LMX1B: variants seen among roughly 807,000 people sequenced by gnomAD.
LMX1B encodes LIM homeobox transcription factor 1-beta.
In LMX1B, 12 loss-of-function variants were observed where a neutral mutation model predicts 51.4. The observed-to-expected ratio is 0.23, with a 90% CI of 0.15 to 0.38. LMX1B has a LOEUF of 0.38. Among genes scored for constraint, LMX1B ranks in the 10% least tolerant of loss-of-function variants. LMX1B has a pLI of 1.00. For synonymous variants in LMX1B, 237 were observed against 235.4 expected, an observed-to-expected ratio of 1.01 and a Z score of -0.06; for missense variants, 445 against 571.1, an observed-to-expected ratio of 0.78 and a Z score of 2.25.
At chr9:126,655,282 G>T (rs1214289190) in intron 2 of LMX1B, among the ~76,000 whole-genome samples, 2 of 152,216 alleles carry the variant, frequency 1.3e-5, no homozygotes, top group Non-Finnish European at 2.9e-5. Flanking sequence ...CGATGTGGTG[G>T]CCCCCTTCGA....
Position 126,660,246 on chromosome 9 carries a change from TGGGG to T in LMX1B, c.327-30588_327-30585del, listed in dbSNP as rs1588286704. Among the ~76,000 whole-genome samples, 3 of 145,956 alleles carry T rather than the reference TGGGG, an allele frequency of 2.1e-5. No individual in the cohort carries two copies. In the East Asian group the frequency reaches 6.0e-4, roughly 29 times the overall value. On this transcript the variant is annotated intron_variant, in intron 2 of 7. Coordinates refer to ENST00000373474, the MANE Select transcript of LMX1B (RefSeq NM_001174147.2). ...CACTGGCCTTAGAGATTGTTCTGTG[TGGGG>T]GTGTCTACCCTAGCCTTAGAGATTG...
At chr9:126,633,054 G>GGTGGT (rs1347593022) in intron 2 of LMX1B, among the ~76,000 whole-genome samples, 3 of 152,162 alleles carry the variant, frequency 2.0e-5, no homozygotes, top group Non-Finnish European at 4.4e-5. Context: ...TTGCCCAGGA[G>GGTGGT]GCGTCCCCTG....
chr9:126,650,159 T>C (rs1835972599), intron 2 of LMX1B, among the ~76,000 whole-genome samples: 1 of 152,180 alleles, frequency 6.6e-6, no homozygotes, highest in Admixed American at 6.5e-5. Flanking sequence ...TGCTGGGGAC[T>C]CCTGAGCCCA....
intron 2 of LMX1B, among the ~76,000 whole-genome samples, chr9:126,642,003 C>G (rs78926278): frequency 6.6e-6 from 1 of 152,132 alleles, no homozygotes; most frequent in Non-Finnish European, 1.5e-5. Context: ...AGCTAAGATT[C>G]ACAGCTTCCC....
intron 2 of LMX1B, among the ~76,000 whole-genome samples, chr9:126,681,571 G>A (rs903207360): frequency 2.9e-5 from 4 of 140,026 alleles, no homozygotes; most frequent in African/African-American, 9.9e-5. Flanking sequence ...CTCTAACCCG[G>A]TGCCCCCCCT....
intron 2 of LMX1B, among the ~76,000 whole-genome samples, chr9:126,632,120 CA>C (rs1392940868): frequency 6.6e-6 from 1 of 152,182 alleles, no homozygotes. Flanking sequence ...CTCTCGCAAG[CA>C]AAATGCACGT....
intron 2 of LMX1B, among the ~76,000 whole-genome samples, chr9:126,654,338 C>T (rs750073842): frequency 7.9e-5 from 12 of 152,226 alleles, no homozygotes; most frequent in Non-Finnish European, 1.8e-4. Flanking sequence ...CCTGATTTCA[C>T]GTATTGTCAT....
rs1256281840 is a variant in LMX1B, at chr9:126,697,265, G to A, written c.*814G>A. The A allele has an allele frequency of 6.6e-6, 1 of 152,288 alleles. No homozygotes were observed. The highest frequency in any genetic ancestry group is 2.4e-5 in the African/African-American group (1 of 41,370). 9.4% of individuals were successfully genotyped at this position (152,288 alleles called of 1,614,324 possible). A position where few individuals can be genotyped will look rare whatever the true frequency, so the allele number is the denominator to read the frequency against. The stretch of plus-strand genomic sequence containing the variant: ...AAGCATCGGACCCAGTTGTATCCCA[G>A]CCTGGGCCCAAATGGGGGCAGCCTG... On this transcript the variant is annotated 3_prime_UTR_variant, in exon 8 of 8. Transcript: ENST00000373474.
rs55720446 is a variant in LMX1B at position 126,634,602 on chromosome 9, AC to A, written c.326+19041del. The stretch of plus-strand genomic sequence containing the variant: ...TAGCCTCTGGTGCCAGGTTCTGCAC[AC>A]CCCCCCCACAATGCCACATCCATGA... On this transcript the variant is annotated intron_variant, in intron 2 of 7. Transcript: ENST00000373474. Among the ~76,000 whole-genome samples, 718 of 150,212 alleles carry A rather than the reference AC, an allele frequency of 4.8e-3. 6 individuals carry two copies. Among genetic ancestry groups the A allele is most frequent in the African/African-American group, 0.016 (649 of 40,838 alleles).
rs761617525 is a variant in LMX1B, at chr9:126,618,373, GATTA to G, written c.326+2808_326+2811del. On this transcript the variant is annotated intron_variant, in intron 2 of 7. Coordinates refer to ENST00000373474, the MANE Select transcript of LMX1B (RefSeq NM_001174147.2). This position sits in a 1 kb window ranked among gnomAD's most constrained non-coding sequence, Gnocchi z 4.5. Reference sequence around the variant, plus strand: ...AAGTTGTCTTACGCACCACGGGGGTGATTAATTGACACTGGGGCACATTGAGCCG... The same window carrying G: ...AAGTTGTCTTACGCACCACGGGGGTGATTGACACTGGGGCACATTGAGCCG... 6.6e-6 allele frequency among the ~76,000 whole-genome samples: 1 copy of G among 152,222 alleles called. No homozygotes were observed. The highest frequency in any genetic ancestry group is 1.5e-5 in the Non-Finnish European group (1 of 68,040).
intron 2 of LMX1B, among the ~76,000 whole-genome samples, chr9:126,622,520 G>A (rs1022907398): frequency 6.6e-6 from 1 of 152,238 alleles, no homozygotes; most frequent in Non-Finnish European, 1.5e-5. Flanking sequence ...CGCCTCCCCA[G>A]GAACTTCAGC....
intron 2 of LMX1B, among the ~76,000 whole-genome samples, chr9:126,631,947 C>T (rs1403568697): frequency 2.0e-5 from 3 of 152,108 alleles, no homozygotes; most frequent in Admixed American, 6.5e-5. Context: ...AGGGGGCCAC[C>T]TTTGACCATA....
chr9:126,653,883 C>T (rs1836065266), intron 2 of LMX1B, among the ~76,000 whole-genome samples: 1 of 152,166 alleles, frequency 6.6e-6, no homozygotes, highest in Non-Finnish European at 1.5e-5. Flanking sequence ...TTACTCCCCA[C>T]CCCCTGCATC....
intron 2 of LMX1B, among the ~76,000 whole-genome samples, chr9:126,648,315 C>T (rs10987384): frequency 0.37 from 55,576 of 152,054 alleles, 11,542 homozygotes; most frequent in East Asian, 0.95. Flanking sequence ...TTCGAGGCTC[C>T]CTAGCCTCCC....
rs1408679682 is a variant in LMX1B, at chr9:126,700,745, A to C, written c.*4294A>C. 6.6e-6 allele frequency: 1 copy of C among 152,204 alleles called. No individual in the cohort carries two copies. Among genetic ancestry groups the C allele is most frequent in the Non-Finnish European group, 1.5e-5 (1 of 68,024 alleles). 9.4% of individuals were successfully genotyped at this position (152,204 alleles called of 1,614,324 possible). A position where few individuals can be genotyped will look rare whatever the true frequency, so the allele number is the denominator to read the frequency against. ...CCTCTTTGCTGGTTCCCCCGACCCCACCTGGGGGTCCCATGGGAGCCCAGC... is the reference window on the plus strand; with the variant it reads ...CCTCTTTGCTGGTTCCCCCGACCCCCCCTGGGGGTCCCATGGGAGCCCAGC... On this transcript the variant is annotated 3_prime_UTR_variant, in exon 8 of 8. Transcript: ENST00000373474.
chr9:126,619,738 T>C (rs1438585361), intron 2 of LMX1B, among the ~76,000 whole-genome samples: 1 of 152,156 alleles, frequency 6.6e-6, no homozygotes, highest in Non-Finnish European at 1.5e-5. Flanking sequence ...GGAGGCATTA[T>C]TCACAGTGAC....
At chr9:126,637,554 G>A (rs547560993) in intron 2 of LMX1B, among the ~76,000 whole-genome samples, 3 of 152,228 alleles carry the variant, frequency 2.0e-5, no homozygotes, top group South Asian at 4.1e-4. Flanking sequence ...CTGGGTGTCC[G>A]TGTGGTGTTG....
intron 2 of LMX1B, among the ~76,000 whole-genome samples, chr9:126,676,666 A>T (rs1836571203): frequency 1.3e-5 from 2 of 152,216 alleles, no homozygotes; most frequent in Admixed American, 1.3e-4. Flanking sequence ...AACTGGGTGT[A>T]TTGAACAAGT....
At chr9:126,690,272 C>G (rs531334063) in intron 2 of LMX1B, among the ~76,000 whole-genome samples, 11 of 152,182 alleles carry the variant, frequency 7.2e-5, no homozygotes, top group Non-Finnish European at 1.2e-4. Context: ...TTAGAAAGAT[C>G]CCCCTGGCTC....
Sources: gnomAD v4.1 joint callset for allele counts (sites outside exome capture counted in the v4.1 genomes callset) on GRCh38, gnomAD v4.1.1 for gene constraint, Gnocchi (gnomAD v3.1) non-coding constraint, MANE v1.5 for transcripts, NCBI Gene and HGNC (gene_info 2026-07-23, HGNC 2026-07-21) for gene names.